Variants in NRXN1 observed in about 807,000 individuals in gnomAD.
NRXN1 encodes neurexin 1.
In NRXN1, 39 loss-of-function variants were observed where a neutral mutation model predicts 150.9. That is an observed-to-expected ratio of 0.26 (90% CI 0.20 to 0.34). The LOEUF (loss-of-function observed/expected upper bound fraction) is 0.34. Among genes scored for constraint, NRXN1 ranks in the 10% least tolerant of loss-of-function variants. NRXN1 has a pLI of 1.00. For synonymous variants in NRXN1, 924 were observed against 757.0 expected (o/e 1.22, Z -3.62); for missense variants, 1,815 against 1,949.9 (o/e 0.93, Z 1.30).
At chr2:50,580,678 G>C (rs1230565040) in intron 8 of NRXN1, among the ~76,000 whole-genome samples, 2 of 152,124 alleles carry the variant, frequency 1.3e-5, no homozygotes, top group Admixed American at 6.6e-5. Context: ...CAACCCAGTA[G>C]TCAACACATT....
intron 5 of NRXN1, among the ~76,000 whole-genome samples, chr2:50,868,723 G>A (rs1373448507): frequency 6.6e-6 from 1 of 151,776 alleles, no homozygotes; most frequent in Non-Finnish European, 1.5e-5. Context: ...CAAAATTTCA[G>A]AGAGACTCAT....
chr2:50,072,645 T>C (rs1349407791), intron 19 of NRXN1, among the ~76,000 whole-genome samples: 2 of 150,932 alleles, frequency 1.3e-5, no homozygotes, highest in Non-Finnish European at 2.9e-5. Context: ...TAATTTGGAA[T>C]GTTTATCTTC....
chr2:50,247,872 G>C lies in NRXN1; in HGVS notation c.3365-10902C>G, dbSNP rs1181536418. On this transcript the variant is annotated intron_variant, in intron 17 of 22. Transcript: ENST00000401669. ...TCCTGGTTTTAATCATTGTACTCTG[G>C]ATATATGAGATGTTAACATTTGTGG... is the stretch of plus-strand genomic sequence containing the variant. 2.6e-5 allele frequency among the ~76,000 whole-genome samples: 4 copies of C among 152,116 alleles called. No homozygotes were observed. In the East Asian group the frequency reaches 7.7e-4, roughly 29 times the overall value.
rs181671800 is a variant in NRXN1, at chr2:50,635,556, T to A, written c.833-11941A>T. Among the ~76,000 whole-genome samples the A allele has an allele frequency of 4.5e-4, 69 of 152,240 alleles. 1 individual carries two copies. The highest frequency in any genetic ancestry group is 3.9e-3 in the Admixed American group (59 of 15,294). ...GAAAGGCATAGGGCAGGCCAGCAAG[T>A]CTGATGCATACAAAGTCATGCATTG... On this transcript the variant is annotated intron_variant, in intron 5 of 22. Coordinates refer to ENST00000401669, the MANE Select transcript of NRXN1 (RefSeq NM_001330078.2).
intron 18 of NRXN1, among the ~76,000 whole-genome samples, chr2:50,225,772 T>TA (rs1361068710): frequency 2.6e-5 from 4 of 151,986 alleles, no homozygotes; most frequent in Non-Finnish European, 5.9e-5. Context: ...TCTCGGTCTT[T>TA]AAAATTATTT....
At chr2:50,242,691 G>A (rs1339705402) in intron 17 of NRXN1, among the ~76,000 whole-genome samples, 1 of 151,690 alleles carries the variant, frequency 6.6e-6, no homozygotes, top group Non-Finnish European at 1.5e-5. Context: ...ACATATGCAT[G>A]TAAGGGTGCA....
At chr2:50,017,941 T>C (rs1400748543) in intron 21 of NRXN1, among the ~76,000 whole-genome samples, 3 of 152,170 alleles carry the variant, frequency 2.0e-5, no homozygotes, top group South Asian at 2.1e-4. Context: ...GAATGTTATT[T>C]AATTAGTGTG....
intron 5 of NRXN1, among the ~76,000 whole-genome samples, chr2:50,892,396 T>G (rs1681202967): frequency 1.3e-5 from 2 of 152,166 alleles, no homozygotes; most frequent in African/African-American, 4.8e-5. Context: ...AAGGCTGGGT[T>G]ATGATTAGGT....
In NRXN1 at chr2:50,546,197, G is replaced by A. The variant is rs773520273; in HGVS notation, c.1759+6390C>T. ...TGGATTCTGAACAAGAAGAATGCAT[G>A]AGATAAGGAAATGTATAGTAATATT... On this transcript the variant is annotated intron_variant, in intron 9 of 22. Transcript: ENST00000401669. 3.9e-4 allele frequency among the ~76,000 whole-genome samples: 60 copies of A among 152,194 alleles called. No homozygotes were observed. The Middle Eastern group carries it at 0.01, about 26-fold the overall frequency.
chr2:50,297,981 C>T (rs2073782870), intron 17 of NRXN1, among the ~76,000 whole-genome samples: 1 of 152,208 alleles, frequency 6.6e-6, no homozygotes, highest in African/African-American at 2.4e-5. Flanking sequence ...GGGTTTGTAT[C>T]CTCCTTACCT....
intron 17 of NRXN1, among the ~76,000 whole-genome samples, chr2:50,396,396 A>T (rs1019092549): frequency 3.3e-5 from 5 of 152,166 alleles, no homozygotes; most frequent in Non-Finnish European, 5.9e-5. Flanking sequence ...TGTATTATGG[A>T]TATATTTTTA....
chr2:50,160,653 A>G (rs558733442), intron 18 of NRXN1, among the ~76,000 whole-genome samples: 1 of 152,254 alleles, frequency 6.6e-6, no homozygotes, highest in East Asian at 1.9e-4. Flanking sequence ...TACCTTAAAG[A>G]TTGCTCAAAA....
At chr2:50,670,081 T>A (rs890453607) in intron 5 of NRXN1, among the ~76,000 whole-genome samples, 3 of 151,804 alleles carry the variant, frequency 2.0e-5, no homozygotes, top group African/African-American at 7.2e-5. Context: ...TTCAATTATT[T>A]TTAATCCTAG....
At chr2:50,427,792 A>G (rs1434069127) in intron 17 of NRXN1, among the ~76,000 whole-genome samples, 1 of 152,198 alleles carries the variant, frequency 6.6e-6, no homozygotes, top group Non-Finnish European at 1.5e-5. Context: ...ACTTCTTCGA[A>G]TACATTTTTA....
chr2:51,013,656 C>T (rs551997042), intron 2 of NRXN1, among the ~76,000 whole-genome samples: 1 of 151,956 alleles, frequency 6.6e-6, no homozygotes, highest in African/African-American at 2.4e-5. Context: ...GAACCTTAAG[C>T]AATTTAAAAC....
chr2:50,770,539 T>A (rs1411639918), intron 5 of NRXN1, among the ~76,000 whole-genome samples: 1 of 152,064 alleles, frequency 6.6e-6, no homozygotes, highest in Non-Finnish European at 1.5e-5. Context: ...TGCCATTAAT[T>A]AGGTCTATGA....
chr2:50,626,597 T>A lies in NRXN1; in HGVS notation c.833-2982A>T, dbSNP rs2104342742. Reference sequence around the variant, plus strand: ...AAAAAAGTGAAATTGGATCTTTACATCCTTTGTTCACAAAAATCAATTCTA... The same window carrying A: ...AAAAAAGTGAAATTGGATCTTTACAACCTTTGTTCACAAAAATCAATTCTA... On this transcript the variant is annotated intron_variant, in intron 5 of 22. Transcript: ENST00000401669. 2.6e-5 allele frequency among the ~76,000 whole-genome samples: 4 copies of A among 152,088 alleles called. No individual in the cohort carries two copies. The Middle Eastern group carries it at 0.01, about 388-fold the overall frequency.
chr2:50,043,067 G>A (rs541369196), intron 21 of NRXN1, among the ~76,000 whole-genome samples: 1 of 152,262 alleles, frequency 6.6e-6, no homozygotes, highest in African/African-American at 2.4e-5. Context: ...TTTAGGCAAT[G>A]TGAACAGTTT....
At chr2:50,952,298 C>T (rs892602242) in intron 2 of NRXN1, among the ~76,000 whole-genome samples, 3 of 152,010 alleles carry the variant, frequency 2.0e-5, no homozygotes, top group Non-Finnish European at 2.9e-5. Flanking sequence ...ATATGAGACC[C>T]TGTCAAAAAT....
Sources: gnomAD v4.1 joint callset for allele counts (sites outside exome capture counted in the v4.1 genomes callset) on GRCh38, gnomAD v4.1.1 for gene constraint, MANE v1.5 for transcripts, NCBI Gene and HGNC (gene_info 2026-07-23, HGNC 2026-07-21) for gene names.